GRID1: variants seen among roughly 807,000 people sequenced by gnomAD.
GRID1 encodes the protein glutamate ionotropic receptor delta type subunit 1.
A neutral mutation model predicts 98.0 loss-of-function variants in GRID1; 28 were observed. The observed-to-expected ratio is 0.29, with a 90% CI of 0.21 to 0.39. The LOEUF (loss-of-function observed/expected upper bound fraction) is 0.39, where lower values mean the gene tolerates loss of function less well. Ranked by LOEUF, GRID1 falls within the 10% of genes least tolerant of loss-of-function variation. GRID1 has a pLI of 1.00. For missense variants in GRID1, 1,111 were observed against 1,340.5 expected, an observed-to-expected ratio of 0.83 and a Z score of 2.67; for synonymous variants, 553 against 538.5, an observed-to-expected ratio of 1.03 and a Z score of -0.37.
At chr10:86,278,661 A>G (rs1847310084) in intron 2 of GRID1, among the ~76,000 whole-genome samples, 1 of 152,220 alleles carries the variant, frequency 6.6e-6, no homozygotes, top group Non-Finnish European at 1.5e-5. Context: ...GAATAAACTC[A>G]TCAGCATAGA....
intron 2 of GRID1, among the ~76,000 whole-genome samples, chr10:86,298,980 G>A (rs552694451): frequency 6.6e-6 from 1 of 152,292 alleles, no homozygotes; most frequent in South Asian, 2.1e-4. Context: ...GCTAGCTGCA[G>A]AGGAAAGGAG....
intron 8 of GRID1, among the ~76,000 whole-genome samples, chr10:85,738,963 C>T (rs1841913491): frequency 6.6e-6 from 1 of 152,096 alleles, no homozygotes; most frequent in African/African-American, 2.4e-5. Flanking sequence ...GCTGATCAAA[C>T]ACCATATACC....
intron 6 of GRID1, among the ~76,000 whole-genome samples, chr10:85,865,912 C>CATATATATATATATATATATACATAT (rs1843210469): frequency 9.6e-5 from 8 of 83,108 alleles, no homozygotes; most frequent in African/African-American, 4.4e-4. Context: ...TACATATATA[C>CATATATATATATATATATATACATAT]ATATATATAT....
chr10:85,840,614 A>T (rs182349511), intron 8 of GRID1, among the ~76,000 whole-genome samples: 24 of 152,310 alleles, frequency 1.6e-4, no homozygotes, highest in African/African-American at 4.8e-4. Context: ...AAAGTTTCTT[A>T]AACTGATAAA....
rs1353598899 is a variant in GRID1, at chr10:85,821,531, A to AGC, written c.1233+32964_1233+32965insGC. 3.3e-3 allele frequency among the ~76,000 whole-genome samples: 321 copies of AGC among 96,294 alleles called. 27 individuals carry two copies. Among genetic ancestry groups the AGC allele is most frequent in the African/African-American group, 0.014 (311 of 22,864 alleles). 63.2% of individuals were successfully genotyped at this position (96,294 alleles called of 152,430 possible). ...GACTTCATCTCAAAAAAAAAAAAAAAAAAAAAAAAAAAAAGAAAACAGATC... is the reference window on the plus strand; with the variant it reads ...GACTTCATCTCAAAAAAAAAAAAAAAGCAAAAAAAAAAAAAAGAAAACAGATC... On this transcript the variant is annotated intron_variant, in intron 8 of 15. Transcript: ENST00000327946.
intron 8 of GRID1, among the ~76,000 whole-genome samples, chr10:85,773,459 G>A (rs1250501968): frequency 6.6e-6 from 1 of 152,136 alleles, no homozygotes; most frequent in African/African-American, 2.4e-5. Context: ...ACATAGTGTT[G>A]GAAGTTCTGG....
intron 4 of GRID1, among the ~76,000 whole-genome samples, chr10:86,009,648 A>G (rs960865698): frequency 6.6e-6 from 1 of 152,196 alleles, no homozygotes; most frequent in African/African-American, 2.4e-5. Context: ...AAAAGCTGCT[A>G]TTAGATTTCA....
chr10:86,257,482 A>G (rs1375896736), intron 2 of GRID1, among the ~76,000 whole-genome samples: 1 of 152,170 alleles, frequency 6.6e-6, no homozygotes, highest in South Asian at 2.1e-4. Context: ...GGTGGAAAAG[A>G]CTCAACTAGG....
At chr10:85,770,946 C>A (rs959029256) in intron 8 of GRID1, among the ~76,000 whole-genome samples, 28 of 152,148 alleles carry the variant, frequency 1.8e-4, no homozygotes, top group African/African-American at 6.8e-4. Context: ...GGCAGGCCAA[C>A]ATTCAGATTC....
intron 2 of GRID1, among the ~76,000 whole-genome samples, chr10:86,349,170 C>T (rs1337884478): frequency 6.6e-6 from 1 of 152,234 alleles, no homozygotes; most frequent in Non-Finnish European, 1.5e-5. Context: ...CCCTTCCCGG[C>T]CAGGGACCCT....
chr10:86,238,084 A>G (rs1426237993), intron 2 of GRID1, among the ~76,000 whole-genome samples: 1 of 152,250 alleles, frequency 6.6e-6, no homozygotes, highest in Non-Finnish European at 1.5e-5. Context: ...GAAAATTTGC[A>G]GCCTGGCCAC....
At chr10:86,074,370 G>A (rs781629578) in intron 4 of GRID1, among the ~76,000 whole-genome samples, 2 of 152,064 alleles carry the variant, frequency 1.3e-5, no homozygotes, top group East Asian at 1.9e-4. Context: ...ACCCGCTACC[G>A]CCACGTGTTC....
rs114451125 is a variant in GRID1, at chr10:86,349,356, G to A, written c.235+14585C>T. Among the ~76,000 whole-genome samples, 860 of 152,306 alleles carry A rather than the reference G, an allele frequency of 5.6e-3. 7 individuals carry two copies. Among genetic ancestry groups the A allele is most frequent in the African/African-American group, 0.02 (813 of 41,544 alleles). On this transcript the variant is annotated intron_variant, in intron 2 of 15. Transcript: ENST00000327946. Reference sequence around the variant, plus strand: ...CTTATACCGCCAGCACCTGGAGCCCGGGTGAGCTTCTATTTCTTCTGCACG... The same window carrying A: ...CTTATACCGCCAGCACCTGGAGCCCAGGTGAGCTTCTATTTCTTCTGCACG...
rs757886830 is a variant in GRID1 at position 85,647,358 on chromosome 10, A to G, written c.2037T>C (p.Tyr679=). ...QDLSKQVEMS[Y]GTVRDSAVYE... ...ATACAGCAGAATCCCGGACAGTGCC[A>G]TAAGACATTTCCACTTGTTTGGACA... Residue 679 remains tyrosine, a synonymous_variant, in exon 13 of 16, where the codon TAT becomes TAC. Coordinates refer to ENST00000327946, the MANE Select transcript of GRID1 (RefSeq NM_017551.3). The G allele has an allele frequency of 5.6e-6, 9 of 1,614,132 alleles. No homozygotes were observed. Among genetic ancestry groups the G allele is most frequent in the Middle Eastern group, 1.6e-4 (1 of 6,084 alleles).
chr10:85,639,220 A>G (rs1843085124), intron 13 of GRID1, among the ~76,000 whole-genome samples: 1 of 152,220 alleles, frequency 6.6e-6, no homozygotes, highest in South Asian at 2.1e-4. Context: ...TTCATACAAT[A>G]GAATATCATT....
intron 4 of GRID1, among the ~76,000 whole-genome samples, chr10:85,981,460 G>A (rs899406800): frequency 6.6e-6 from 1 of 152,106 alleles, no homozygotes; most frequent in African/African-American, 2.4e-5. Context: ...TGCCTACTTG[G>A]CTTTTGATGG....
At chr10:86,220,195 T>C (rs945530867) in intron 2 of GRID1, among the ~76,000 whole-genome samples, 2 of 152,322 alleles carry the variant, frequency 1.3e-5, no homozygotes, top group Middle Eastern at 3.4e-3. Context: ...ACACTCCTTC[T>C]TGGCCCCTTT....
chr10:86,031,721 T>C (rs767273360), intron 4 of GRID1, among the ~76,000 whole-genome samples: 4 of 152,126 alleles, frequency 2.6e-5, no homozygotes, highest in Admixed American at 6.5e-5. Flanking sequence ...CCATGGTCTG[T>C]TCTTCACAGC....
chr10:85,985,028 A>T (rs1589324800), intron 4 of GRID1, among the ~76,000 whole-genome samples: 1 of 152,058 alleles, frequency 6.6e-6, no homozygotes, highest in Non-Finnish European at 1.5e-5. Flanking sequence ...GCATTGTAGG[A>T]TTTTTAGCAG....
Sources: gnomAD v4.1 joint callset for allele counts (sites outside exome capture counted in the v4.1 genomes callset) on GRCh38, gnomAD v4.1.1 for gene constraint, MANE v1.5 for transcripts, NCBI Gene and HGNC (gene_info 2026-07-23, HGNC 2026-07-21) for gene names.